Variants in TMEM108 observed in about 807,000 individuals in gnomAD.
The protein encoded by TMEM108 is cancer/testis antigen 124.
A neutral mutation model predicts 35.1 loss-of-function variants in TMEM108; 12 were observed. The observed-to-expected ratio is 0.34, with a 90% confidence interval of 0.22 to 0.55. The LOEUF (loss-of-function observed/expected upper bound fraction) is 0.55, where lower values mean the gene tolerates loss of function less well. Among genes scored for constraint, TMEM108 ranks in the 20% least tolerant of loss-of-function variants. The pLI is 0.89. For missense variants in TMEM108, 680 were observed against 753.3 expected, an observed-to-expected ratio of 0.90 and a Z score of 1.14; for synonymous variants, 287 against 308.6, an observed-to-expected ratio of 0.93 and a Z score of 0.73.
chr3:133,207,522 A>T (rs759134927), intron 2 of TMEM108, among the ~76,000 whole-genome samples: 2 of 152,136 alleles, frequency 1.3e-5, no homozygotes, highest in African/African-American at 4.8e-5. Context: ...ATTGGCTATC[A>T]TCGTAAAGTT....
At chr3:133,224,205 T>C (rs1559873685) in intron 2 of TMEM108, among the ~76,000 whole-genome samples, 1 of 152,178 alleles carries the variant, frequency 6.6e-6, no homozygotes, top group Non-Finnish European at 1.5e-5. Context: ...CCTACCACAT[T>C]CTAAACGCTC....
At chr3:133,199,307 C>T (rs1263306029) in intron 2 of TMEM108, among the ~76,000 whole-genome samples, 3 of 152,188 alleles carry the variant, frequency 2.0e-5, no homozygotes, top group African/African-American at 7.2e-5. Flanking sequence ...ATTCTCTGTC[C>T]AGCTTTGTTC....
intron 1 of TMEM108, among the ~76,000 whole-genome samples, chr3:133,043,423 A>G (rs1367894463): frequency 1.3e-5 from 2 of 152,166 alleles, no homozygotes; most frequent in East Asian, 1.9e-4. Context: ...TTGTAGGAAC[A>G]TTTTTACCTT....
At chr3:133,110,543 G>C (rs983142793) in intron 2 of TMEM108, among the ~76,000 whole-genome samples, 2 of 152,076 alleles carry the variant, frequency 1.3e-5, no homozygotes, top group Non-Finnish European at 2.9e-5. Context: ...TTGACCTGTA[G>C]TGGTCTGAGG....
intron 3 of TMEM108, among the ~76,000 whole-genome samples, chr3:133,272,249 C>A (rs1039787106): frequency 4.7e-5 from 7 of 148,298 alleles, no homozygotes; most frequent in Admixed American, 1.3e-4. Flanking sequence ...CTGACTCAGC[C>A]TTATAAGAAC....
chr3:133,087,095 GT>G (rs1342874862), intron 2 of TMEM108, among the ~76,000 whole-genome samples: 2 of 152,172 alleles, frequency 1.3e-5, no homozygotes, highest in African/African-American at 4.8e-5. Context: ...GCCACCAGCA[GT>G]TGGGTGCAGC....
intron 3 of TMEM108, among the ~76,000 whole-genome samples, chr3:133,342,270 G>A (rs1281490195): frequency 6.6e-6 from 1 of 151,076 alleles, no homozygotes; most frequent in East Asian, 1.9e-4. Context: ...TGTCAAACAG[G>A]TATATGAATA....
intron 3 of TMEM108, among the ~76,000 whole-genome samples, chr3:133,241,354 T>A (rs1365268623): frequency 1.3e-5 from 2 of 152,222 alleles, no homozygotes; most frequent in African/African-American, 2.4e-5. Flanking sequence ...TTCCTTTGGG[T>A]CATTTGCATC....
chr3:133,309,282 A>G (rs1015754594), intron 3 of TMEM108, among the ~76,000 whole-genome samples: 3 of 151,792 alleles, frequency 2.0e-5, no homozygotes. Flanking sequence ...CTAGCAGTCT[A>G]TCAATTTTGT....
chr3:133,232,789 T>C (rs1946172983), intron 3 of TMEM108, among the ~76,000 whole-genome samples: 3 of 152,214 alleles, frequency 2.0e-5, no homozygotes, highest in Admixed American at 2.0e-4. Context: ...GAGTGTTTCA[T>C]CCCACTGGCT....
chr3:133,175,081 T>A (rs1367634292), intron 2 of TMEM108, among the ~76,000 whole-genome samples: 1 of 152,066 alleles, frequency 6.6e-6, no homozygotes, highest in Middle Eastern at 3.2e-3. Flanking sequence ...TATCAGTGAT[T>A]GAAGATCAAA....
chr3:133,228,189 T>TAA lies in TMEM108; in HGVS notation c.-46-1065_-46-1064dup, dbSNP rs397732892. Among the ~76,000 whole-genome samples the TAA allele has an allele frequency of 1.2e-3, 179 of 147,644 alleles. 1 individual carries two copies. The highest frequency in any genetic ancestry group is 5.3e-3 in the East Asian group (27 of 5,080). ...ATTTTATGTATGAGTTATATCTCAG[T>TAA]AAAAAAAAAAAAATTAAAGATAGAT... On this transcript the variant is annotated intron_variant, in intron 2 of 5. Transcript: ENST00000321871.
chr3:133,073,510 C>CTCTCTCTCTCTCTCTCTCTA, intron 2 of TMEM108, among the ~76,000 whole-genome samples: 85 of 43,890 alleles, frequency 1.9e-3, no homozygotes, highest in East Asian at 6.0e-3. Flanking sequence ...CTCTCTCTCT[C>CTCTCTCTCTCTCTCTCTCTA]TATATATATA....
intron 3 of TMEM108, among the ~76,000 whole-genome samples, chr3:133,292,378 A>G (rs1183005302): frequency 6.6e-6 from 1 of 152,168 alleles, no homozygotes; most frequent in Non-Finnish European, 1.5e-5. Flanking sequence ...TTACCTCACA[A>G]AGTGATGGTT....
intron 3 of TMEM108, among the ~76,000 whole-genome samples, chr3:133,251,820 T>G (rs1300129702): frequency 6.6e-6 from 1 of 152,174 alleles, no homozygotes; most frequent in African/African-American, 2.4e-5. Context: ...GAATCTTGGA[T>G]AGTCAACTAG....
intron 2 of TMEM108, among the ~76,000 whole-genome samples, chr3:133,198,033 G>C (rs1405826912): frequency 6.6e-6 from 1 of 152,170 alleles, no homozygotes; most frequent in Non-Finnish European, 1.5e-5. Flanking sequence ...CAAATCCTGA[G>C]AGAAAAGTCT....
At chr3:133,133,669 TCTTTTTTTTTC>T (rs1325114533) in intron 2 of TMEM108, among the ~76,000 whole-genome samples, 114 of 152,030 alleles carry the variant, frequency 7.5e-4, no homozygotes, top group Admixed American at 2.0e-3. Context: ...GGCAGAGTTT[TCTTTTTTTTTC>T]CTTTTTTTTT....
intron 2 of TMEM108, among the ~76,000 whole-genome samples, chr3:133,155,545 A>G (rs1559850044): frequency 1.3e-5 from 2 of 152,162 alleles, no homozygotes; most frequent in Non-Finnish European, 2.9e-5. Flanking sequence ...AATAATAGCC[A>G]TTCTGACTGA....
chr3:133,385,791 G>C (rs1390637426), intron 4 of TMEM108, among the ~76,000 whole-genome samples: 2 of 152,192 alleles, frequency 1.3e-5, no homozygotes, highest in Non-Finnish European at 2.9e-5. Flanking sequence ...TTGGCTGTAG[G>C]ACTTACACAA....
Sources: gnomAD v4.1 joint callset for allele counts (sites outside exome capture counted in the v4.1 genomes callset) on GRCh38, gnomAD v4.1.1 for gene constraint, MANE v1.5 for transcripts, NCBI Gene and HGNC (gene_info 2026-07-23, HGNC 2026-07-21) for gene names.